The following ST3GAL1 variants were observed in gnomAD, a reference collection of about 807,000 sequenced individuals.
ST3GAL1 encodes the protein ST3 beta-galactoside alpha-2,3-sialyltransferase 1.
Under a neutral mutation model 34.1 loss-of-function variants are expected in ST3GAL1, and 16 were observed. The ratio of observed to expected loss-of-function variants is 0.47; its 90% CI spans 0.32 to 0.71. The LOEUF is 0.71. Among genes scored for constraint, ST3GAL1 ranks in the 30% least tolerant of loss-of-function variants. ST3GAL1 has a pLI of 0.04. For missense variants in ST3GAL1, 353 were observed against 447.4 expected (o/e 0.79, Z 1.90); for synonymous variants, 191 against 184.7 (o/e 1.03, Z -0.28).
At chr8:133,549,774 C>T (rs917185116) in intron 1 of ST3GAL1, among the ~76,000 whole-genome samples, 5 of 152,044 alleles carry the variant, frequency 3.3e-5, no homozygotes, top group African/African-American at 1.2e-4. Context: ...ACCAACCTGA[C>T]CAACGTGGAG....
intron 2 of ST3GAL1, among the ~76,000 whole-genome samples, chr8:133,535,222 T>C (rs576330666): frequency 1.6e-4 from 24 of 152,216 alleles, no homozygotes; most frequent in Non-Finnish European, 2.6e-4. Flanking sequence ...TTTGGGGTGA[T>C]GAGCCCAGGC....
intron 1 of ST3GAL1, among the ~76,000 whole-genome samples, chr8:133,551,344 T>C (rs1818829409): frequency 6.6e-6 from 1 of 151,982 alleles, no homozygotes; most frequent in Non-Finnish European, 1.5e-5. Flanking sequence ...GGTGTGCACC[T>C]GTAGTCCCAG....
Position 133,519,684 on chromosome 8 carries a change from G to A in ST3GAL1, c.-428-20495C>T, listed in dbSNP as rs867502457. 2.4e-4 allele frequency among the ~76,000 whole-genome samples: 37 copies of A among 152,236 alleles called. 1 individual carries two copies. The highest frequency in any genetic ancestry group is 1.4e-3 in the Admixed American group (22 of 15,286). On this transcript the variant is annotated intron_variant, in intron 2 of 9. Transcript: ENST00000522652. ...AAGGAGGCCGGGCTCGGGAGCGCAC[G>A]CCTGTAATCCCAGCACTTTGGGAGG...
intron 1 of ST3GAL1, among the ~76,000 whole-genome samples, chr8:133,569,857 C>A (rs1819513462): frequency 6.6e-6 from 1 of 152,232 alleles, no homozygotes; most frequent in Admixed American, 6.5e-5. Context: ...AATCAGGAGG[C>A]TCCGCCCGCA....
intron 2 of ST3GAL1, among the ~76,000 whole-genome samples, chr8:133,541,114 T>TAGAGAGAGAGAGAGAGAGAGAG (rs1299790632): frequency 4.5e-5 from 2 of 44,072 alleles, no homozygotes; most frequent in East Asian, 4.2e-4. Flanking sequence ...TATATATATA[T>TAGAGAGAGAGAGAGAGAGAGAG]ATATATAGAG....
chr8:133,568,366 C>G (rs1212432273), intron 1 of ST3GAL1, among the ~76,000 whole-genome samples: 7 of 152,186 alleles, frequency 4.6e-5, no homozygotes, highest in African/African-American at 1.7e-4. Context: ...CAAATTAGAG[C>G]AGAAGAGAGC....
chr8:133,525,607 G>A (rs1445867249), intron 2 of ST3GAL1, among the ~76,000 whole-genome samples: 1 of 152,050 alleles, frequency 6.6e-6, no homozygotes, highest in Non-Finnish European at 1.5e-5. Context: ...CACCCAGGCT[G>A]TGCATGCTGA....
intron 6 of ST3GAL1, 155 bp downstream of exon 6, chr8:133,465,739 G>C: frequency 1.4e-6 from 1 of 724,934 alleles, no homozygotes; most frequent in Non-Finnish European, 2.2e-6. Context: ...GGGAAGCTGA[G>C]GCCCAGGGGG....
chr8:133,527,865 G>A (rs1467379083), intron 2 of ST3GAL1, among the ~76,000 whole-genome samples: 7 of 152,136 alleles, frequency 4.6e-5, no homozygotes, highest in East Asian at 1.9e-4. Flanking sequence ...CATTCCCATC[G>A]AGAGCTCATT....
At chr8:133,463,570 T>G in intron 7 of ST3GAL1, 111 bp from the exon 8 acceptor site, 1 of 1,209,002 alleles carries the variant, frequency 8.3e-7, no homozygotes, top group African/African-American at 1.5e-5. Flanking sequence ...TAGCCTCTCC[T>G]GCCCCCCATA....
At position 133,570,947 on chromosome 8, in the gene ST3GAL1, G is replaced by A. The variant is rs1457272296; in HGVS notation, c.-582+746C>T. Among the ~76,000 whole-genome samples the A allele has an allele frequency of 6.6e-6, 1 of 152,190 alleles. No homozygotes were observed. The highest frequency in any genetic ancestry group is 2.4e-5 in the African/African-American group (1 of 41,462). On this transcript the variant is annotated intron_variant, in intron 1 of 9. Coordinates refer to ENST00000522652, the MANE Select transcript of ST3GAL1 (RefSeq NM_173344.3). This position sits in a 1 kb window ranked among gnomAD's most constrained non-coding sequence, Gnocchi z 5.6. ...GGGGTTGGGGCGGATTCAGAGTTTC[G>A]AGTTGCCACTAACACGACTCCGGCC...
chr8:133,541,060 T>TATACAGAC (rs1554618828), intron 2 of ST3GAL1, among the ~76,000 whole-genome samples: 1 of 46,066 alleles, frequency 2.2e-5, no homozygotes, highest in African/African-American at 8.5e-5. Flanking sequence ...TATAGACATA[T>TATACAGAC]ATATATAGAC....
At chr8:133,510,243 G>A (rs1167845889) in intron 2 of ST3GAL1, among the ~76,000 whole-genome samples, 5 of 152,162 alleles carry the variant, frequency 3.3e-5, no homozygotes, top group African/African-American at 7.2e-5. Flanking sequence ...AAGCCAATTA[G>A]TGGCCTTTTG....
At chr8:133,486,601 G>A (rs1017478632) in intron 3 of ST3GAL1, among the ~76,000 whole-genome samples, 3 of 152,248 alleles carry the variant, frequency 2.0e-5, no homozygotes, top group Non-Finnish European at 4.4e-5. Context: ...AGGAGGTCCT[G>A]GCCACTGCAA....
chr8:133,524,330 AG>A (rs1282727586), intron 2 of ST3GAL1, among the ~76,000 whole-genome samples: 3 of 152,240 alleles, frequency 2.0e-5, no homozygotes, highest in Admixed American at 6.5e-5. Context: ...ACACAAACCC[AG>A]GCATTGTCCC....
At chr8:133,565,610 G>A (rs1411023981) in intron 1 of ST3GAL1, among the ~76,000 whole-genome samples, 2 of 152,162 alleles carry the variant, frequency 1.3e-5, no homozygotes, top group Non-Finnish European at 2.9e-5. Flanking sequence ...ATGATAAGAT[G>A]TTCAAAATAC....
In ST3GAL1 at chr8:133,530,508, C is replaced by T. The variant is rs1354503053; in HGVS notation, c.-429+15266G>A. The stretch of plus-strand genomic sequence containing the variant: ...ATGTTTGTCAGGCTGGTTGTGAACT[C>T]CTGACCTCAGGTGATCCACTCGCCT... On this transcript the variant is annotated intron_variant, in intron 2 of 9. Transcript: ENST00000522652. Among the ~76,000 whole-genome samples, 4 of 152,122 alleles carry T rather than the reference C, an allele frequency of 2.6e-5. No homozygotes were observed. In the East Asian group the frequency reaches 7.7e-4, roughly 29 times the overall value.
At chr8:133,510,438 G>A (rs796661141) in intron 2 of ST3GAL1, among the ~76,000 whole-genome samples, 10 of 152,322 alleles carry the variant, frequency 6.6e-5, no homozygotes, top group African/African-American at 2.2e-4. Flanking sequence ...AGCTTTCAGA[G>A]ATAGTCTGCA....
chr8:133,503,720 T>C (rs1382781266), intron 2 of ST3GAL1, among the ~76,000 whole-genome samples: 1 of 152,224 alleles, frequency 6.6e-6, no homozygotes, highest in Non-Finnish European at 1.5e-5. Flanking sequence ...TCTCCAGATG[T>C]AGTGAAAGCA....
Sources: allele counts gnomAD v4.1 joint callset (sites outside exome capture counted in the v4.1 genomes callset), GRCh38; gene constraint gnomAD v4.1.1; non-coding constraint Gnocchi (gnomAD v3.1); transcripts MANE v1.5; gene names NCBI Gene and HGNC (gene_info 2026-07-23, HGNC 2026-07-21).